CBLB: variants seen among roughly 807,000 people sequenced by gnomAD.
CBLB encodes the protein Cbl proto-oncogene B.
CBLB carries 31 observed loss-of-function variants against 104.9 expected under a neutral mutation model. The ratio of observed to expected loss-of-function variants is 0.30; its 90% CI spans 0.22 to 0.40. The LOEUF (loss-of-function observed/expected upper bound fraction) is 0.40, where lower values mean the gene tolerates loss of function less well. Among genes scored for constraint, CBLB ranks in the 10% least tolerant of loss-of-function variants. The pLI, the probability that CBLB is intolerant of heterozygous loss-of-function variation, is 1.00. For missense variants in CBLB, 1,062 were observed against 1,214.6 expected, an observed-to-expected ratio of 0.87 and a Z score of 1.87; for synonymous variants, 440 against 422.6, an observed-to-expected ratio of 1.04 and a Z score of -0.51.
At chr3:105,842,840 T>C (rs1188083599) in intron 3 of CBLB, among the ~76,000 whole-genome samples, 1 of 151,662 alleles carries the variant, frequency 6.6e-6, no homozygotes, top group African/African-American at 2.4e-5. Context: ...TAGATGGGTA[T>C]TGTTACTTTT....
chr3:105,799,360 A>G (rs1175581287), intron 3 of CBLB, among the ~76,000 whole-genome samples: 1 of 152,176 alleles, frequency 6.6e-6, no homozygotes, highest in African/African-American at 2.4e-5. Context: ...GCTACTTTTC[A>G]GCTATCTTTA....
chr3:105,705,607 C>T (rs962341488), intron 10 of CBLB, among the ~76,000 whole-genome samples: 3 of 152,134 alleles, frequency 2.0e-5, no homozygotes, highest in East Asian at 1.9e-4. Context: ...AGTAGGACCA[C>T]GGAAGTAAAG....
At chr3:105,802,695 C>T (rs1257345727) in intron 3 of CBLB, among the ~76,000 whole-genome samples, 1 of 122,444 alleles carries the variant, frequency 8.2e-6, no homozygotes, top group East Asian at 2.5e-4. Flanking sequence ...CTAGACACAC[C>T]TTCAATCTGT....
chr3:105,680,798 G>A (rs1204059671), intron 16 of CBLB, among the ~76,000 whole-genome samples: 2 of 152,154 alleles, frequency 1.3e-5, no homozygotes, highest in Non-Finnish European at 2.9e-5. Flanking sequence ...CGTTATGTAA[G>A]GTGTGCAGAC....
At chr3:105,758,362 G>A (rs2077267863) in intron 4 of CBLB, among the ~76,000 whole-genome samples, 2 of 152,190 alleles carry the variant, frequency 1.3e-5, no homozygotes, top group South Asian at 4.1e-4. Context: ...AGACACAGAT[G>A]CTGGGTATTT....
intron 13 of CBLB, among the ~76,000 whole-genome samples, chr3:105,687,230 T>C (rs2067119012): frequency 6.6e-6 from 1 of 152,146 alleles, no homozygotes; most frequent in South Asian, 2.1e-4. Flanking sequence ...CACTAAACAT[T>C]CAACAACTAT....
chr3:105,679,602 C>G (rs901933102), intron 16 of CBLB, among the ~76,000 whole-genome samples: 2 of 151,758 alleles, frequency 1.3e-5, no homozygotes, highest in South Asian at 4.2e-4. Flanking sequence ...ATGGTGAAAC[C>G]CCATGTCTGC....
chr3:105,674,726 G>C (rs1482051871), intron 17 of CBLB, among the ~76,000 whole-genome samples: 1 of 152,140 alleles, frequency 6.6e-6, no homozygotes, highest in Non-Finnish European at 1.5e-5. Flanking sequence ...GGTAGCCTTG[G>C]GATTGGAGAC....
intron 14 of CBLB, among the ~76,000 whole-genome samples, chr3:105,684,917 A>C (rs1261828610): frequency 6.6e-6 from 1 of 152,254 alleles, no homozygotes; most frequent in Non-Finnish European, 1.5e-5. Context: ...CAAAAAGTTA[A>C]GAGAAACACC....
chr3:105,835,287 T>G (rs898683233), intron 3 of CBLB, among the ~76,000 whole-genome samples: 6 of 152,204 alleles, frequency 3.9e-5, no homozygotes, highest in African/African-American at 1.2e-4. Flanking sequence ...AGAAATCTTT[T>G]TGTGAAAACT....
At chr3:105,850,774 T>C (rs1292871607) in intron 3 of CBLB, among the ~76,000 whole-genome samples, 3 of 152,178 alleles carry the variant, frequency 2.0e-5, no homozygotes, top group Non-Finnish European at 4.4e-5. Context: ...AATACACAGA[T>C]GGAAGTTACA....
At chr3:105,717,051 T>C (rs2072001972) in intron 10 of CBLB, among the ~76,000 whole-genome samples, 1 of 152,184 alleles carries the variant, frequency 6.6e-6, no homozygotes, top group Non-Finnish European at 1.5e-5. Context: ...CTTTCGATTG[T>C]TAGTGCCACT....
chr3:105,859,493 T>C lies in CBLB; in HGVS notation c.169-5829A>G, dbSNP rs943938147. On this transcript the variant is annotated intron_variant, in intron 2 of 18. Coordinates refer to ENST00000394030, the MANE Select transcript of CBLB (RefSeq NM_170662.5). ...GGTGAAACCCTGTTTCTACTAAAAA[T>C]ACAAAAACAAAATTAGCAGGGTGTG... Among the ~76,000 whole-genome samples the C allele has an allele frequency of 2.0e-5, 3 of 151,770 alleles. No individual in the cohort carries two copies. In the East Asian group the frequency reaches 5.8e-4, roughly 30 times the overall value.
chr3:105,827,242 G>GT (rs371081910), intron 3 of CBLB, among the ~76,000 whole-genome samples: 3,331 of 152,030 alleles, frequency 0.022, 84 homozygotes, highest in East Asian at 0.12. Context: ...AGTAAATGAC[G>GT]TAAGTAACCT....
intron 5 of CBLB, among the ~76,000 whole-genome samples, chr3:105,748,988 T>C (rs2076363807): frequency 6.6e-6 from 1 of 152,202 alleles, no homozygotes; most frequent in African/African-American, 2.4e-5. Flanking sequence ...TGAATGTATG[T>C]TCCCGCAGTC....
At chr3:105,776,988 G>C (rs757191023) in intron 3 of CBLB, among the ~76,000 whole-genome samples, 4 of 152,178 alleles carry the variant, frequency 2.6e-5, no homozygotes, top group Non-Finnish European at 4.4e-5. Context: ...CTGGAGAGGA[G>C]AGAAAGGGAG....
chr3:105,824,785 G>A (rs1329950761), intron 3 of CBLB, among the ~76,000 whole-genome samples: 1 of 152,062 alleles, frequency 6.6e-6, no homozygotes, highest in Admixed American at 6.6e-5. Context: ...TCACGAAAGG[G>A]GAGCCTCCTA....
intron 17 of CBLB, chr3:105,670,923 ATTG>A (rs1444854160): frequency 7.9e-5 from 13 of 163,980 alleles, no homozygotes; most frequent in African/African-American, 2.9e-4. Context: ...GCTTAACATC[ATTG>A]TTGTTAGTTG....
chr3:105,862,027 A>G (rs997753300), intron 2 of CBLB, among the ~76,000 whole-genome samples: 5 of 152,046 alleles, frequency 3.3e-5, no homozygotes, highest in African/African-American at 1.2e-4. Context: ...TTATGGTTTA[A>G]TTCTACCTTT....
Sources: gnomAD v4.1 joint callset for allele counts (sites outside exome capture counted in the v4.1 genomes callset) on GRCh38, gnomAD v4.1.1 for gene constraint, MANE v1.5 for transcripts, NCBI Gene and HGNC (gene_info 2026-07-23, HGNC 2026-07-21) for gene names.